Variants in ZFHX2 observed in about 807,000 individuals in gnomAD.
The protein encoded by ZFHX2 is zinc finger homeobox protein 2.
In ZFHX2, 75 loss-of-function variants were observed where a neutral mutation model predicts 164.8. The ratio of observed to expected loss-of-function variants is 0.46; its 90% CI spans 0.38 to 0.55. The LOEUF is 0.55. Among genes scored for constraint, ZFHX2 ranks in the 20% least tolerant of loss-of-function variants. The pLI is 0.00. For missense variants in ZFHX2, 2,933 were observed against 3,308.0 expected (o/e 0.89, Z 2.78); for synonymous variants, 1,217 against 1,351.4 (o/e 0.90, Z 2.18).
At chr14:23,545,160 A>G (rs1357537877) in intron 1 of ZFHX2, among the ~76,000 whole-genome samples, 1 of 151,630 alleles carries the variant, frequency 6.6e-6, no homozygotes, top group South Asian at 2.1e-4. Context: ...TGGCCAAAGG[A>G]CAAATCTCAA....
chr14:23,526,706 G>A (rs902113726), intron 8 of ZFHX2, 27 bp from the exon 9 acceptor site: 1 of 1,535,786 alleles, frequency 6.5e-7, no homozygotes, highest in African/African-American at 1.4e-5. Context: ...AAAGTACAAT[G>A]AGGAGGGAAC....
At chr14:23,526,825 G>C in intron 8 of ZFHX2, 22 bp downstream of exon 8, 2 of 1,524,284 alleles carry the variant, frequency 1.3e-6, no homozygotes, top group Non-Finnish European at 1.8e-6. Flanking sequence ...TACCTTGGGA[G>C]GTTTGCTGTT....
intron 5 of ZFHX2, 101 bp downstream of exon 5, chr14:23,530,019 T>C: frequency 8.2e-7 from 1 of 1,226,912 alleles, no homozygotes; most frequent in African/African-American, 1.5e-5. Context: ...TAATCAGTTT[T>C]GCTCCTTGAG....
In ZFHX2 at chr14:23,532,640, T is replaced by C; in HGVS notation, c.2486A>G (p.Glu829Gly). 6.8e-7 allele frequency: 1 copy of C among 1,471,546 alleles called. No individual in the cohort carries two copies. Among genetic ancestry groups the C allele is most frequent in the South Asian group, 1.4e-5 (1 of 73,294 alleles). 91.2% of individuals were successfully genotyped at this position (1,471,546 alleles called of 1,614,324 possible). Residue 829 changes from glutamate to glycine, a missense_variant, in exon 3 of 10, where the codon GAG becomes GGG. Glu to Gly is a moderately conservative substitution (Grantham distance 98). Coordinates refer to ENST00000419474, the MANE Select transcript of ZFHX2 (RefSeq NM_033400.3). ...CTGCATCTTCTCCTTGCTGTTGGAC[T>C]CAAAGTCACAGATGTTGCAGCGCAG... ...LHLRCNICDF[E>G]SNSKEKMQLH...
rs1595140627 is a variant in ZFHX2 at position 23,526,052 on chromosome 14, T to C, written c.3890A>G (p.Glu1297Gly). The C allele has an allele frequency of 6.5e-7, 1 of 1,536,390 alleles. No homozygotes were observed. Among genetic ancestry groups the C allele is most frequent in the Non-Finnish European group, 8.7e-7 (1 of 1,146,962 alleles). ...GCCCACCTCCCCCTCTGTCTCGCCT[T>C]CCTTGGGCTCTTCTTGGCTGCGTTC... ...GPERSQEEPK[E>G]GETEGEVGTE... The change falls in exon 9 of 10, where the codon GAA becomes GGA. Residue 1297 changes from glutamate (E) to glycine (G), a missense_variant. Coordinates refer to ENST00000419474, the MANE Select transcript of ZFHX2 (RefSeq NM_033400.3).
Position 23,522,829 on chromosome 14 carries a change from G to A in ZFHX2, c.6852C>T (p.Asp2284=). The A allele has an allele frequency of 6.5e-7, 1 of 1,535,132 alleles. No homozygotes were observed. The highest frequency in any genetic ancestry group is 8.7e-7 in the Non-Finnish European group (1 of 1,146,220). Residue 2284 remains aspartate, a synonymous_variant, in exon 10 of 10, where the codon GAC becomes GAT. Coordinates refer to ENST00000419474, the MANE Select transcript of ZFHX2 (RefSeq NM_033400.3). ...TGCCTGCTGTGGAGGTGTTGGTTTG[G>A]TCGGGCATGGGTCTCTGAGGTAAGG... ...GRPLPQRPMP[D]QTNTSTAGTT...
In ZFHX2 at chr14:23,525,707, C is replaced by T. The variant is rs532724548; in HGVS notation, c.4235G>A (p.Arg1412Gln). The T allele has an allele frequency of 3.3e-5, 51 of 1,522,560 alleles. No homozygotes were observed. The African/African-American group carries it at 3.7e-4, about 11-fold the overall frequency. The allele number at this position is 1,522,560 out of a possible 1,614,324, so 94.3% of individuals were successfully genotyped here. ...ATTACCCTCTTTGGCCATGGGGGGC[C>T]GCTCCCACTCCCGCTCAGCCAGCTC... ...KAELAEREWERPPMAKEGNEA... is the reference protein window; with the variant it reads ...KAELAEREWEQPPMAKEGNEA... Residue 1412 changes from arginine (R) to glutamine (Q), a missense_variant, in exon 9 of 10, where the codon CGG (arginine) becomes CAG (glutamine). By Grantham distance (43) the Arg-to-Gln change is conservative. Coordinates refer to ENST00000419474, the MANE Select transcript of ZFHX2 (RefSeq NM_033400.3). This position sits in a 1 kb window ranked among gnomAD's most constrained non-coding sequence, Gnocchi z 5.9.
In ZFHX2 at chr14:23,524,528, A is replaced by C. The variant is rs940397169; in HGVS notation, c.5414T>G (p.Leu1805Arg). 6.5e-6 allele frequency: 10 copies of C among 1,526,808 alleles called. No individual in the cohort carries two copies. Among genetic ancestry groups the C allele is most frequent in the African/African-American group, 2.7e-5 (2 of 72,864 alleles). 94.6% of individuals were successfully genotyped at this position (1,526,808 alleles called of 1,614,324 possible). A position where few individuals can be genotyped will look rare whatever the true frequency, so the allele number is the denominator to read the frequency against. The change falls in exon 9 of 10, where the codon CTA becomes CGA. Residue 1805 changes from leucine (L) to arginine (R), a missense_variant. Transcript: ENST00000419474. The surrounding 1 kb of genome is among the most constrained non-coding windows in gnomAD (Gnocchi z 5.6). ...CCCAAACACCAGCAAGGGCAGATCT[A>C]GGAGTTGGGGGGGAGCACTGGGCTG... ...SLQPSAPPQL[L>R]DLPLLVFGER...
At chr14:23,544,467 A>G (rs1322363651) in intron 1 of ZFHX2, among the ~76,000 whole-genome samples, 1 of 152,198 alleles carries the variant, frequency 6.6e-6, no homozygotes, top group Non-Finnish European at 1.5e-5. Flanking sequence ...GGCAGCTGGT[A>G]ACCTGGCTGT....
Position 23,523,161 on chromosome 14 carries a change from G to C in ZFHX2, c.6739+42C>G, listed in dbSNP as rs1488229085. On this transcript the variant is annotated intron_variant, in intron 9 of 9. Coordinates refer to ENST00000419474, the MANE Select transcript of ZFHX2 (RefSeq NM_033400.3). This position sits in a 1 kb window ranked among gnomAD's most constrained non-coding sequence, Gnocchi z 4.1. ...AAGGAAGGGCATGTCATTAGAGGGG[G>C]ATGTTCTCTGAAGTCCAGCTCCTCC... 3.5e-6 allele frequency: 5 copies of C among 1,410,518 alleles called. No individual in the cohort carries two copies. In the East Asian group the frequency reaches 7.8e-5, roughly 22 times the overall value. 87.4% of individuals were successfully genotyped at this position (1,410,518 alleles called of 1,614,324 possible). A position where few individuals can be genotyped will look rare whatever the true frequency, so the allele number is the denominator to read the frequency against.
chr14:23,524,941 C>A lies in ZFHX2; in HGVS notation c.5001G>T (p.Gly1667=), dbSNP rs2138675628. The change falls in exon 9 of 10, where the codon GGG becomes GGT. Residue 1667 remains glycine, a synonymous_variant. Transcript: ENST00000419474. This position sits in a 1 kb window ranked among gnomAD's most constrained non-coding sequence, Gnocchi z 5.6. ...GGCAACGCCTGCAGCCGGAGGCTCC[C>A]CCAGTGCCTCCTCCGGTTGGCATGG... ...GGSMPTGGGT[G]GASGCRRCHA... The A allele has an allele frequency of 6.5e-7, 1 of 1,536,276 alleles. No homozygotes were observed. The highest frequency in any genetic ancestry group is 2.4e-5 in the East Asian group (1 of 40,906).
At chr14:23,551,982 C>G (rs1881999647), upstream of ZFHX2, among the ~76,000 whole-genome samples, 1 of 152,228 alleles carries the variant, frequency 6.6e-6, no homozygotes, top group Non-Finnish European at 1.5e-5. The surrounding 1 kb of genome is among the most constrained non-coding windows in gnomAD (Gnocchi z 5.3). Flanking sequence ...CGTCTCCTCT[C>G]CTCTTCATCC....
upstream of ZFHX2, among the ~76,000 whole-genome samples, chr14:23,552,815 T>A (rs1882076504): frequency 6.6e-6 from 1 of 152,050 alleles, no homozygotes; most frequent in African/African-American, 2.4e-5. Flanking sequence ...TTAGCCAGGC[T>A]GGTCTCGAAC....
rs1212807591 is a variant in ZFHX2, at chr14:23,521,996, T to C, written c.7685A>G (p.Lys2562Arg). 6.5e-7 allele frequency: 1 copy of C among 1,536,352 alleles called. No individual in the cohort carries two copies. The highest frequency in any genetic ancestry group is 2.4e-5 in the East Asian group (1 of 40,910). ...ARLPHTDSNP[K>R]TTTTSTLLAL ...TAGAAGTGTAGAGGTAGTCGTAGTTTTTGGGTTGGAGTCCGTGTGAGGTAA... is the reference window on the plus strand; with the variant it reads ...TAGAAGTGTAGAGGTAGTCGTAGTTCTTGGGTTGGAGTCCGTGTGAGGTAA... The change falls in exon 10 of 10, where the codon AAA (lysine) becomes AGA (arginine). Residue 2562 changes from lysine to arginine, a missense_variant. By Grantham distance (26) the Lys-to-Arg change is conservative. Coordinates refer to ENST00000419474, the MANE Select transcript of ZFHX2 (RefSeq NM_033400.3).
In ZFHX2 at chr14:23,523,624, C is replaced by A; in HGVS notation, c.6318G>T (p.Lys2106Asn). ...EVLGEEIGLP[K>N]RVIQVWFQNA... ...TCTGGAACCAGACCTGGATGACTCT[C>A]TTGGGCAGCCCAATCTCCTCTCCCA... Residue 2106 changes from lysine to asparagine, a missense_variant, in exon 9 of 10, where the codon AAG becomes AAT. Lys to Asn is a moderately conservative substitution (Grantham distance 94). Coordinates refer to ENST00000419474, the MANE Select transcript of ZFHX2 (RefSeq NM_033400.3). The surrounding 1 kb of genome is among the most constrained non-coding windows in gnomAD (Gnocchi z 4.1). 1 of 1,557,726 alleles carries A rather than the reference C, an allele frequency of 6.4e-7. No individual in the cohort carries two copies. The highest frequency in any genetic ancestry group is 8.6e-7 in the Non-Finnish European group (1 of 1,157,758).
At chr14:23,531,103 C>G (rs558579603) in intron 4 of ZFHX2, 28 of 168,692 alleles carry the variant, frequency 1.7e-4, no homozygotes, top group Admixed American at 6.3e-4. Flanking sequence ...CAGCTCCTAT[C>G]TCCTTCCAAG....
At chr14:23,540,991 C>T (rs144848574) in intron 1 of ZFHX2, among the ~76,000 whole-genome samples, 4 of 152,146 alleles carry the variant, frequency 2.6e-5, no homozygotes, top group Non-Finnish European at 5.9e-5. Flanking sequence ...CTGCAACCTC[C>T]ACCTCCCAGG....
At chr14:23,530,265 A>G in intron 4 of ZFHX2, 71 bp from the exon 5 acceptor site, 2 of 1,136,588 alleles carry the variant, frequency 1.8e-6, no homozygotes, top group Non-Finnish European at 2.5e-6. Flanking sequence ...AGGACAGAGG[A>G]AGCAGGACAA....
Position 23,551,171 on chromosome 14 carries a change from C to T in ZFHX2, c.-50+172G>A, listed in dbSNP as rs1881916197. On this transcript the variant is annotated intron_variant, in intron 1 of 9. Transcript: ENST00000419474. The surrounding 1 kb of genome is among the most constrained non-coding windows in gnomAD (Gnocchi z 5.3). ...CAGGGCTCTCGGTCTGTCTGTCCGT[C>T]CGTCCTTGTCCCCTCCCCCAGCCCC... Among the ~76,000 whole-genome samples the T allele has an allele frequency of 6.6e-6, 1 of 151,962 alleles. No homozygotes were observed. The highest frequency in any genetic ancestry group is 2.4e-5 in the African/African-American group (1 of 41,368).
Sources: allele counts gnomAD v4.1 joint callset (sites outside exome capture counted in the v4.1 genomes callset), GRCh38; gene constraint gnomAD v4.1.1; non-coding constraint Gnocchi (gnomAD v3.1); transcripts MANE v1.5; gene names NCBI Gene and HGNC (gene_info 2026-07-23, HGNC 2026-07-21).